Variants in PIBF1 observed in about 807,000 individuals in gnomAD.
PIBF1 encodes the protein progesterone-induced-blocking factor 1.
PIBF1 carries 90 observed loss-of-function variants against 112.5 expected under a neutral mutation model. The ratio of observed to expected loss-of-function variants is 0.80; its 90% CI spans 0.67 to 0.95. The LOEUF (loss-of-function observed/expected upper bound fraction) is 0.95. Among genes scored for constraint, PIBF1 ranks in the 40% least tolerant of loss-of-function variants. The pLI is 0.00. For missense variants in PIBF1, 915 were observed against 852.3 expected, an observed-to-expected ratio of 1.07 and a Z score of -0.92; for synonymous variants, 301 against 288.6, an observed-to-expected ratio of 1.04 and a Z score of -0.44.
intron 10 of PIBF1, among the ~76,000 whole-genome samples, chr13:72,872,072 G>A (rs1391004394): frequency 6.6e-6 from 1 of 152,144 alleles, no homozygotes; most frequent in Non-Finnish European, 1.5e-5. Flanking sequence ...GTTCCTGGGT[G>A]CATGACTTCA....
Position 72,820,054 on chromosome 13 carries a change from G to A in PIBF1, c.673-1795G>A, listed in dbSNP as rs139809591. On this transcript the variant is annotated intron_variant, in intron 5 of 17. Coordinates refer to ENST00000326291, the MANE Select transcript of PIBF1 (RefSeq NM_006346.4). Reference sequence around the variant, plus strand: ...TGTTAATTTGGCTATGATCTCTTTGGAAGCCAAAGCAAAGAGGAAGCATTA... The same window carrying A: ...TGTTAATTTGGCTATGATCTCTTTGAAAGCCAAAGCAAAGAGGAAGCATTA... Among the ~76,000 whole-genome samples, 814 of 152,102 alleles carry A rather than the reference G, an allele frequency of 5.4e-3. 15 individuals are homozygous for A. Among genetic ancestry groups the A allele is most frequent in the African/African-American group, 0.018 (763 of 41,502 alleles).
chr13:72,957,310 TA>T (rs1359222175), intron 14 of PIBF1, among the ~76,000 whole-genome samples: 1 of 152,174 alleles, frequency 6.6e-6, no homozygotes, highest in Non-Finnish European at 1.5e-5. Flanking sequence ...GGTATGTATA[TA>T]TACCATGGAA....
At chr13:73,006,220 G>A (rs1336737843) in intron 17 of PIBF1, among the ~76,000 whole-genome samples, 3 of 151,856 alleles carry the variant, frequency 2.0e-5, no homozygotes, top group African/African-American at 2.4e-5. Context: ...CGCCTGGCCC[G>A]GTCTCACTTT....
At chr13:72,864,388 G>A (rs765504711) in intron 10 of PIBF1, among the ~76,000 whole-genome samples, 3 of 152,260 alleles carry the variant, frequency 2.0e-5, no homozygotes, top group African/African-American at 4.8e-5. Flanking sequence ...ATGTTCTTCC[G>A]ATTATTCATC....
Position 72,970,894 on chromosome 13 carries a change from T to G in PIBF1, c.1965-2697T>G, listed in dbSNP as rs146050870. Among the ~76,000 whole-genome samples the G allele has an allele frequency of 2.3e-3, 352 of 152,270 alleles. 3 individuals are homozygous for G. The highest frequency in any genetic ancestry group is 7.7e-3 in the African/African-American group (320 of 41,568). ...CAAAATATATGCCCAGATATTGTAA[T>G]CACAGCAATATTGTCTGGGAAGTCC... On this transcript the variant is annotated intron_variant, in intron 15 of 17. Transcript: ENST00000326291.
At chr13:72,861,106 A>T (rs1277312134) in intron 10 of PIBF1, among the ~76,000 whole-genome samples, 1 of 152,076 alleles carries the variant, frequency 6.6e-6, no homozygotes. Flanking sequence ...TTAATAGTGA[A>T]CTTTTTTCAG....
At chr13:72,884,022 A>G (rs2039748466) in intron 10 of PIBF1, among the ~76,000 whole-genome samples, 1 of 152,220 alleles carries the variant, frequency 6.6e-6, no homozygotes, top group Non-Finnish European at 1.5e-5. Context: ...CCTTGAAGTA[A>G]TGGATACCTC....
intron 8 of PIBF1, among the ~76,000 whole-genome samples, chr13:72,830,748 G>A (rs899089371): frequency 1.3e-5 from 2 of 152,082 alleles, no homozygotes; most frequent in African/African-American, 4.8e-5. Context: ...TTTTTGTTGT[G>A]TGTCTGCCAG....
intron 1 of PIBF1, 110 bp from the exon 2 acceptor site, chr13:72,783,313 C>A (rs2304761): frequency 1.7e-6 from 1 of 586,132 alleles, no homozygotes. Context: ...TTGGGATGCA[C>A]TAAATTGCCT....
At chr13:72,919,390 T>C (rs2041215731) in intron 13 of PIBF1, among the ~76,000 whole-genome samples, 1 of 152,228 alleles carries the variant, frequency 6.6e-6, no homozygotes, top group Admixed American at 6.5e-5. Context: ...TTTAATTCTG[T>C]CTGGTGAGGA....
intron 2 of PIBF1, 123 bp downstream of exon 2, chr13:72,783,844 C>T: frequency 1.0e-6 from 1 of 972,094 alleles, no homozygotes; most frequent in Non-Finnish European, 1.5e-6. Flanking sequence ...TTGACAAGTA[C>T]AGCCTTTAAA....
chr13:72,973,477 ATTTATC>A, intron 15 of PIBF1, 108 bp from the exon 16 acceptor site: 1 of 571,066 alleles, frequency 1.8e-6, no homozygotes, highest in Non-Finnish European at 3.0e-6. Context: ...TGGACTATAA[ATTTATC>A]TTTAGTTCAA....
At chr13:73,010,190 AC>A (rs948691861) in intron 17 of PIBF1, among the ~76,000 whole-genome samples, 4 of 146,274 alleles carry the variant, frequency 2.7e-5, no homozygotes, top group African/African-American at 7.6e-5. Flanking sequence ...AACAGAACTT[AC>A]CCCCACTATG....
At chr13:72,834,299 C>T (rs776378891) in intron 8 of PIBF1, among the ~76,000 whole-genome samples, 7 of 152,094 alleles carry the variant, frequency 4.6e-5, no homozygotes, top group South Asian at 4.2e-4. Flanking sequence ...TAATATCAAT[C>T]GCTTTTATAA....
At chr13:72,919,254 T>A (rs1056644698) in intron 13 of PIBF1, among the ~76,000 whole-genome samples, 3 of 152,196 alleles carry the variant, frequency 2.0e-5, no homozygotes, top group African/African-American at 7.2e-5. Flanking sequence ...ATGTAGAATA[T>A]AGAGCACTTT....
At chr13:72,930,354 A>G (rs1264780045) in intron 13 of PIBF1, among the ~76,000 whole-genome samples, 3 of 152,224 alleles carry the variant, frequency 2.0e-5, no homozygotes, top group African/African-American at 7.2e-5. Context: ...AGTATAAAAT[A>G]TGAAAATATG....
chr13:72,829,155 T>C (rs956788425), intron 8 of PIBF1, among the ~76,000 whole-genome samples: 4 of 152,220 alleles, frequency 2.6e-5, no homozygotes, highest in African/African-American at 4.8e-5. Context: ...TTTGTTTAAG[T>C]TCTTTGTAGA....
intron 9 of PIBF1, among the ~76,000 whole-genome samples, chr13:72,848,767 G>T (rs2037991098): frequency 6.6e-6 from 1 of 151,756 alleles, no homozygotes; most frequent in African/African-American, 2.4e-5. Flanking sequence ...GGGAAGCGGA[G>T]CTTGCAGTGA....
rs371283565 is a variant in PIBF1, at chr13:72,946,142, C to T, written c.1833+14875C>T. Reference sequence around the variant, plus strand: ...GAAGGAAAGAGGTTTCATTGACTCACAGTTCTGCAGGGCTGAGGAGGCCTC... The same window carrying T: ...GAAGGAAAGAGGTTTCATTGACTCATAGTTCTGCAGGGCTGAGGAGGCCTC... On this transcript the variant is annotated intron_variant, in intron 14 of 17. Transcript: ENST00000326291. Among the ~76,000 whole-genome samples, 14 of 152,144 alleles carry T rather than the reference C, an allele frequency of 9.2e-5. No homozygotes were observed. The East Asian group carries it at 1.4e-3, about 15-fold the overall frequency.
Sources: allele counts gnomAD v4.1 joint callset (sites outside exome capture counted in the v4.1 genomes callset), GRCh38; gene constraint gnomAD v4.1.1; transcripts MANE v1.5; gene names NCBI Gene and HGNC (gene_info 2026-07-23, HGNC 2026-07-21).